The following HAUS6 variants were observed in gnomAD, a reference collection of about 807,000 sequenced individuals.
HAUS6 encodes the protein HAUS augmin-like complex subunit 6.
HAUS6 carries 80 observed loss-of-function variants against 106.8 expected under a neutral mutation model. The observed-to-expected ratio is 0.75, with a 90% CI of 0.63 to 0.90. HAUS6 has a LOEUF of 0.90. HAUS6 is among the 40% of genes least tolerant of loss of function. HAUS6 has a pLI of 0.00. For synonymous variants in HAUS6, 356 were observed against 379.1 expected (o/e 0.94, Z 0.71); for missense variants, 1,155 against 1,118.1 (o/e 1.03, Z -0.47).
At chr9:19,077,952 T>C (rs935505259) in intron 10 of HAUS6, among the ~76,000 whole-genome samples, 1 of 152,060 alleles carries the variant, frequency 6.6e-6, no homozygotes, top group African/African-American at 2.4e-5. Context: ...TCCCAGCTAC[T>C]CAGAAGGCTG....
intron 4 of HAUS6, among the ~76,000 whole-genome samples, chr9:19,092,551 G>A (rs1159362635): frequency 2.7e-5 from 4 of 148,258 alleles, no homozygotes; most frequent in Non-Finnish European, 4.4e-5. Flanking sequence ...GGAGGCAGAG[G>A]TTGCGGTGAG....
chr9:19,084,122 G>C (rs1837228983), intron 7 of HAUS6, among the ~76,000 whole-genome samples: 1 of 148,786 alleles, frequency 6.7e-6, no homozygotes, highest in Admixed American at 6.7e-5. Flanking sequence ...TCAATCCAAA[G>C]GTCCATCCAG....
intron 14 of HAUS6, among the ~76,000 whole-genome samples, chr9:19,060,752 A>G (rs1037274770): frequency 2.6e-5 from 4 of 152,264 alleles, no homozygotes; most frequent in Non-Finnish European, 5.9e-5. Flanking sequence ...AAAGTATCCA[A>G]TATCAAAATA....
In HAUS6 at chr9:19,096,706, A is replaced by G; in HGVS notation, c.192T>C (p.Val64=). 6.5e-7 allele frequency: 1 copy of G among 1,546,864 alleles called. No individual in the cohort carries two copies. The highest frequency in any genetic ancestry group is 8.8e-7 in the Non-Finnish European group (1 of 1,135,806). ...FHIISYFLFQ[V]LDQSLTKEVF... ...CTTCTTTGGTGAGAGACTGGTCCAGAACTTGAAACAAAAAATAAGAAATTA... is the reference window on the plus strand; with the variant it reads ...CTTCTTTGGTGAGAGACTGGTCCAGGACTTGAAACAAAAAATAAGAAATTA... The change falls in exon 2 of 17, where the codon GTT becomes GTC. Residue 64 remains valine, a synonymous_variant. Transcript: ENST00000380502.
At position 19,058,211 on chromosome 9, in the gene HAUS6, G is replaced by T. The variant is rs746397608; in HGVS notation, c.2556C>A (p.Tyr852Ter). 1.2e-6 allele frequency: 2 copies of T among 1,613,888 alleles called. No individual in the cohort carries two copies. The highest frequency in any genetic ancestry group is 2.2e-5 in the South Asian group (2 of 91,064). ...KSLSKKREES[Y>*]LSNSQTPERH... ...TTTCGGGTGTTTGGGAATTCGAGAG[G>T]TAAGATTCTTCCCTTTTCTTGGAAA... The change falls in exon 16 of 17, where the codon TAC (tyrosine) becomes TAA (stop). Residue 852 changes from tyrosine to a stop codon, truncating the protein, a stop_gained. Coordinates refer to ENST00000380502, the MANE Select transcript of HAUS6 (RefSeq NM_017645.5). LOFTEE classifies it high-confidence loss of function.
At chr9:19,092,916 C>CAAAAAAAA (rs71494998) in intron 4 of HAUS6, among the ~76,000 whole-genome samples, 5 of 76,232 alleles carry the variant, frequency 6.6e-5, no homozygotes, top group Admixed American at 3.1e-4. Context: ...AACTGTGTCT[C>CAAAAAAAA]AAAAAAAAAA....
intron 5 of HAUS6, among the ~76,000 whole-genome samples, chr9:19,089,153 G>C (rs1352829244): frequency 6.6e-6 from 1 of 152,230 alleles, no homozygotes; most frequent in East Asian, 1.9e-4. Flanking sequence ...TGAGGTGGGA[G>C]GATGACTTAA....
In HAUS6 at chr9:19,094,310, T is replaced by C; in HGVS notation, c.303+7A>G. ...AGTCTGTATCTTCTAACAAAAAGAA[T>C]ACTTACAGAAATCCTTTTTATCCAT... On this transcript the variant is annotated splice_region_variant and intron_variant, in intron 3 of 16. Transcript: ENST00000380502. 2 of 1,531,954 alleles carry C rather than the reference T, an allele frequency of 1.3e-6. No individual in the cohort carries two copies. The highest frequency in any genetic ancestry group is 1.4e-5 in the African/African-American group (1 of 72,866). 94.9% of individuals were successfully genotyped at this position (1,531,954 alleles called of 1,614,324 possible). A position where few individuals can be genotyped will look rare whatever the true frequency, so the allele number is the denominator to read the frequency against.
intron 4 of HAUS6, 99 bp downstream of exon 4, chr9:19,093,072 T>C: frequency 1.2e-6 from 1 of 867,770 alleles, no homozygotes; most frequent in Non-Finnish European, 1.7e-6. Context: ...TGTTTTAACT[T>C]ACCTTGATTT....
At chr9:19,060,537 T>C (rs1337456454) in intron 14 of HAUS6, among the ~76,000 whole-genome samples, 1 of 152,238 alleles carries the variant, frequency 6.6e-6, no homozygotes. Flanking sequence ...CCTAAGCTGC[T>C]GTCTGCCACA....
intron 14 of HAUS6, among the ~76,000 whole-genome samples, chr9:19,061,835 A>G (rs1836629516): frequency 6.6e-6 from 1 of 152,204 alleles, no homozygotes; most frequent in Non-Finnish European, 1.5e-5. Flanking sequence ...ACCCTGTCTT[A>G]AAAGAAAAAA....
At chr9:19,062,232 A>G (rs1836639748) in intron 14 of HAUS6, among the ~76,000 whole-genome samples, 1 of 152,248 alleles carries the variant, frequency 6.6e-6, no homozygotes, top group African/African-American at 2.4e-5. Context: ...CACTTCTGAA[A>G]TATTTTAGAC....
chr9:19,055,116 G>C lies in HAUS6; in HGVS notation c.*1227C>G, dbSNP rs1836440678. On this transcript the variant is annotated 3_prime_UTR_variant, in exon 17 of 17. Coordinates refer to ENST00000380502, the MANE Select transcript of HAUS6 (RefSeq NM_017645.5). ...GGACAGGACAACCAACTTAGAGAAA[G>C]GCAGCCCAAGATAAAAGAAATAACT... The C allele has an allele frequency of 1.3e-5, 2 of 152,218 alleles. No individual in the cohort carries two copies. The highest frequency in any genetic ancestry group is 4.8e-5 in the African/African-American group (2 of 41,456). 9.4% of individuals were successfully genotyped at this position (152,218 alleles called of 1,614,324 possible). A position where few individuals can be genotyped will look rare whatever the true frequency, so the allele number is the denominator to read the frequency against.
Position 19,055,706 on chromosome 9 carries a change from C to T in HAUS6, c.*637G>A, listed in dbSNP as rs13287311. ...TTCCATCTTTTTCCTTTTTTTAAAT[C>T]ATTCTGCCCCAGTCTTCACTTAATC... is the stretch of plus-strand genomic sequence containing the variant. On this transcript the variant is annotated 3_prime_UTR_variant, in exon 17 of 17. Transcript: ENST00000380502. 6.6e-6 allele frequency: 1 copy of T among 152,038 alleles called. No homozygotes were observed. The highest frequency in any genetic ancestry group is 2.4e-5 in the African/African-American group (1 of 41,396). The allele number at this position is 152,038 out of a possible 1,614,324, so 9.4% of individuals were successfully genotyped here.
chr9:19,089,926 G>A (rs767099775), intron 4 of HAUS6, among the ~76,000 whole-genome samples: 17 of 151,946 alleles, frequency 1.1e-4, no homozygotes, highest in African/African-American at 3.4e-4. Flanking sequence ...TCAACCTTCC[G>A]GGTTCAAGCA....
chr9:19,062,773 C>T (rs75161444), intron 14 of HAUS6, among the ~76,000 whole-genome samples: 1,567 of 152,302 alleles, frequency 0.01, 29 homozygotes, highest in African/African-American at 0.035. Context: ...AGTGATCCTC[C>T]ACCTCAGCCT....
At chr9:19,101,541 C>T (rs968182734) in intron 1 of HAUS6, among the ~76,000 whole-genome samples, 3 of 151,360 alleles carry the variant, frequency 2.0e-5, no homozygotes, top group African/African-American at 7.3e-5. Context: ...CTTTGGAAGA[C>T]CGAAGCAGGA....
At chr9:19,059,894 T>C in intron 15 of HAUS6, 194 bp downstream of exon 15, 10 of 446,190 alleles carry the variant, frequency 2.2e-5, no homozygotes, top group Non-Finnish European at 3.6e-5. Context: ...TATATCTCTG[T>C]ATATTGAGTA....
At chr9:19,091,253 T>C (rs1041236726) in intron 4 of HAUS6, among the ~76,000 whole-genome samples, 7 of 150,816 alleles carry the variant, frequency 4.6e-5, no homozygotes, top group African/African-American at 1.7e-4. Context: ...TAAGCCGAGA[T>C]CGCGCCACCG....
Sources: allele counts gnomAD v4.1 joint callset (sites outside exome capture counted in the v4.1 genomes callset), GRCh38; gene constraint gnomAD v4.1.1; transcripts MANE v1.5; gene names NCBI Gene and HGNC (gene_info 2026-07-23, HGNC 2026-07-21).